The following NKAIN3 variants were observed in gnomAD, a reference collection of about 807,000 sequenced individuals.
NKAIN3 encodes the protein sodium/potassium transporting ATPase interacting 3.
A neutral mutation model predicts 30.2 loss-of-function variants in NKAIN3; 25 were observed. The observed-to-expected ratio is 0.83, with a 90% CI of 0.60 to 1.16. The LOEUF (loss-of-function observed/expected upper bound fraction) is 1.16, where lower values mean the gene tolerates loss of function less well. Ranked by LOEUF, NKAIN3 falls within the 50% of genes most tolerant of loss-of-function variation. The pLI is 0.00. For missense variants in NKAIN3, 225 were observed against 254.1 expected (o/e 0.89, Z 0.78); for synonymous variants, 91 against 89.6 (o/e 1.02, Z -0.09).
chr8:62,285,165 A>G (rs1813339631), intron 1 of NKAIN3, among the ~76,000 whole-genome samples: 1 of 152,124 alleles, frequency 6.6e-6, no homozygotes, highest in Non-Finnish European at 1.5e-5. Context: ...TGTCCCCCAA[A>G]TCTAGGTTTC....
chr8:62,641,046 G>T (rs1180993988), intron 3 of NKAIN3, among the ~76,000 whole-genome samples: 1 of 151,362 alleles, frequency 6.6e-6, no homozygotes, highest in Non-Finnish European at 1.5e-5. Context: ...CTCAAAGTTG[G>T]TCCTAACACC....
chr8:62,394,624 T>C (rs28507537), intron 1 of NKAIN3, among the ~76,000 whole-genome samples: 5 of 149,328 alleles, frequency 3.3e-5, no homozygotes, highest in East Asian at 2.0e-4. Context: ...CCAGACAATG[T>C]GGTGGCCAGA....
intron 1 of NKAIN3, among the ~76,000 whole-genome samples, chr8:62,524,150 G>T (rs937365791): frequency 2.0e-5 from 3 of 151,780 alleles, no homozygotes; most frequent in Non-Finnish European, 4.4e-5. Flanking sequence ...TCCTGGTCAT[G>T]CATGTGTATG....
Position 62,709,935 on chromosome 8 carries a change from A to T in NKAIN3, c.274-36997A>T, listed in dbSNP as rs530911372. On this transcript the variant is annotated intron_variant, in intron 3 of 6. Coordinates refer to ENST00000623646, the MANE Select transcript of NKAIN3 (RefSeq NM_001304533.3). ...ATAGGTTGTGTCATTGTTGTTGTTC[A>T]GTTGGAAGAATTTTTACATTTCTAT... is the stretch of plus-strand genomic sequence containing the variant. Among the ~76,000 whole-genome samples the T allele has an allele frequency of 4.6e-5, 7 of 152,142 alleles. No individual in the cohort carries two copies. The South Asian group carries it at 1.5e-3, about 32-fold the overall frequency.
intron 3 of NKAIN3, among the ~76,000 whole-genome samples, chr8:62,613,269 T>C (rs116635157): frequency 0.024 from 3,588 of 152,238 alleles, 102 homozygotes; most frequent in African/African-American, 0.074. Context: ...CCTTCATGTT[T>C]GAAGGATGTT....
At chr8:62,626,029 T>C (rs1811777369) in intron 3 of NKAIN3, among the ~76,000 whole-genome samples, 3 of 152,256 alleles carry the variant, frequency 2.0e-5, no homozygotes, top group African/African-American at 7.2e-5. Context: ...ATGAGTGCTA[T>C]ACTTCATGTG....
chr8:62,852,084 C>T (rs6999510), intron 4 of NKAIN3, among the ~76,000 whole-genome samples: 4,052 of 152,214 alleles, frequency 0.027, 178 homozygotes, highest in African/African-American at 0.092. Context: ...CCATCTGGTC[C>T]TGGACTTTTT....
chr8:62,339,627 G>C (rs1815676245), intron 1 of NKAIN3, among the ~76,000 whole-genome samples: 1 of 151,982 alleles, frequency 6.6e-6, no homozygotes, highest in Non-Finnish European at 1.5e-5. Context: ...ATAGCAATTT[G>C]CAAAATGAGA....
At chr8:62,542,148 G>A (rs1046739738) in intron 1 of NKAIN3, among the ~76,000 whole-genome samples, 3 of 152,140 alleles carry the variant, frequency 2.0e-5, no homozygotes, top group South Asian at 4.1e-4. Flanking sequence ...AACCACATCT[G>A]GGAAGAGAGC....
At chr8:62,961,927 C>T (rs925485914) in intron 6 of NKAIN3, among the ~76,000 whole-genome samples, 2 of 151,982 alleles carry the variant, frequency 1.3e-5, no homozygotes, top group Admixed American at 6.6e-5. Flanking sequence ...GATGTTTGTA[C>T]AGCTTTAGGA....
chr8:62,819,152 CAT>C (rs71903705), intron 4 of NKAIN3, among the ~76,000 whole-genome samples: 108,578 of 144,258 alleles, frequency 0.75, 41,175 homozygotes, highest in South Asian at 0.82. Context: ...TATATATATA[CAT>C]ATATATATAT....
intron 3 of NKAIN3, among the ~76,000 whole-genome samples, chr8:62,672,481 T>C (rs909940221): frequency 2.0e-5 from 3 of 152,198 alleles, no homozygotes; most frequent in African/African-American, 7.2e-5. Flanking sequence ...TTGCCAGCTA[T>C]GAGAAAAGCC....
chr8:62,523,852 G>A (rs1213254489), intron 1 of NKAIN3, among the ~76,000 whole-genome samples: 2 of 152,128 alleles, frequency 1.3e-5, no homozygotes, highest in Admixed American at 1.3e-4. Context: ...AGGGTAAGAA[G>A]CACTGAGTTC....
At chr8:62,343,906 C>T (rs1815837502) in intron 1 of NKAIN3, among the ~76,000 whole-genome samples, 1 of 151,946 alleles carries the variant, frequency 6.6e-6, no homozygotes, top group Admixed American at 6.6e-5. Flanking sequence ...CATTTTGATT[C>T]TTTATGGATG....
At chr8:62,726,101 C>T (rs1452291310) in intron 3 of NKAIN3, among the ~76,000 whole-genome samples, 1 of 151,972 alleles carries the variant, frequency 6.6e-6, no homozygotes, top group African/African-American at 2.4e-5. Context: ...TTTGGGGCTA[C>T]TGTAAATGGA....
chr8:62,663,559 T>C, intron 3 of NKAIN3, among the ~76,000 whole-genome samples: 1 of 152,164 alleles, frequency 6.6e-6, no homozygotes, highest in Non-Finnish European at 1.5e-5. Flanking sequence ...TGAGACAATC[T>C]ACTACATCTG....
Position 62,347,595 on chromosome 8 carries a change from A to C in NKAIN3, c.54+98468A>C, listed in dbSNP as rs1009983760. 2.1e-4 allele frequency among the ~76,000 whole-genome samples: 30 copies of C among 141,058 alleles called. 2 individuals carry two copies. The highest frequency in any genetic ancestry group is 9.4e-4 in the African/African-American group (29 of 30,954). The allele number at this position is 141,058 out of a possible 152,430, so 92.5% of individuals were successfully genotyped here. ...TCCAACTTTTGAAAGGAAAACACAT[A>C]AAATATCAAAGGAAAATGCATAACT... On this transcript the variant is annotated intron_variant, in intron 1 of 6. Coordinates refer to ENST00000623646, the MANE Select transcript of NKAIN3 (RefSeq NM_001304533.3).
At chr8:62,716,181 G>A (rs976358978) in intron 3 of NKAIN3, among the ~76,000 whole-genome samples, 1 of 151,986 alleles carries the variant, frequency 6.6e-6, no homozygotes, top group Admixed American at 6.6e-5. Flanking sequence ...CCAATAAGAA[G>A]ACACCCCTTT....
chr8:62,356,839 C>T (rs925130850), intron 1 of NKAIN3, among the ~76,000 whole-genome samples: 8 of 152,084 alleles, frequency 5.3e-5, no homozygotes, highest in Admixed American at 1.3e-4. Flanking sequence ...AGGCCAGGCA[C>T]GGTGGCTCAT....
Sources: gnomAD v4.1 joint callset for allele counts (sites outside exome capture counted in the v4.1 genomes callset) on GRCh38, gnomAD v4.1.1 for gene constraint, MANE v1.5 for transcripts, NCBI Gene and HGNC (gene_info 2026-07-23, HGNC 2026-07-21) for gene names.